The following USP7 variants were observed in gnomAD, a reference collection of about 807,000 sequenced individuals.
USP7 encodes ubiquitin specific peptidase 7, also known as ubiquitin C-terminal hydrolase 7.
In USP7, 9 loss-of-function variants were observed where a neutral mutation model predicts 162.9. That is an observed-to-expected ratio of 0.06 (90% CI 0.03 to 0.10). The LOEUF is 0.10. USP7 is among the 10% of genes least tolerant of loss of function. USP7 has a pLI of 1.00. For synonymous variants in USP7, 562 were observed against 475.9 expected (o/e 1.18, Z -2.35); for missense variants, 715 against 1,373.7 (o/e 0.52, Z 7.58).
intron 5 of USP7, among the ~76,000 whole-genome samples, chr16:8,919,756 C>G (rs751075551): frequency 6.6e-6 from 1 of 151,302 alleles, no homozygotes; most frequent in Non-Finnish European, 1.5e-5. Context: ...ACCTCCACGC[C>G]CATCTCCCTC....
At chr16:8,917,912 C>A (rs1319639729) in intron 6 of USP7, among the ~76,000 whole-genome samples, 1 of 152,172 alleles carries the variant, frequency 6.6e-6, no homozygotes, top group African/African-American at 2.4e-5. Context: ...GCCTCAGCCT[C>A]CCCAGTAGCT....
rs1046138744 is a variant in USP7 at position 8,896,684 on chromosome 16, C to T, written c.2819+315G>A. 3.9e-5 allele frequency among the ~76,000 whole-genome samples: 6 copies of T among 152,140 alleles called. No individual in the cohort carries two copies. The South Asian group carries it at 6.2e-4, about 16-fold the overall frequency. On this transcript the variant is annotated intron_variant, in intron 26 of 30. Coordinates refer to ENST00000344836, the MANE Select transcript of USP7 (RefSeq NM_003470.3). ...CTGTTTGGCTTTTCTATGGGAACTG[C>T]GCCTTTTTACTACAGCTAATGTTAT...
chr16:8,902,291 T>A, intron 17 of USP7, 90 bp downstream of exon 17: 1 of 1,580,762 alleles, frequency 6.3e-7, no homozygotes, highest in Non-Finnish European at 8.6e-7. Flanking sequence ...TCTAGTTAAG[T>A]GGACCAAAAG....
At chr16:8,894,450 G>A in intron 30 of USP7, 100 bp downstream of exon 30, 2 of 1,195,454 alleles carry the variant, frequency 1.7e-6, no homozygotes, top group South Asian at 1.4e-5. Flanking sequence ...TGGAGAGAGA[G>A]GAGCTGGCAC....
At chr16:8,959,983 G>C (rs1899948321) in intron 1 of USP7, among the ~76,000 whole-genome samples, 1 of 152,088 alleles carries the variant, frequency 6.6e-6, no homozygotes, top group African/African-American at 2.4e-5. Context: ...AACCACACCA[G>C]GGAAAAAAAC....
intron 1 of USP7, among the ~76,000 whole-genome samples, chr16:8,933,802 C>A (rs1213603239): frequency 6.6e-6 from 1 of 150,910 alleles, no homozygotes; most frequent in Non-Finnish European, 1.5e-5. Flanking sequence ...ATCTCCCAGG[C>A]TGGAGTGCAG....
intron 2 of USP7, among the ~76,000 whole-genome samples, chr16:8,926,959 T>C (rs1473530907): frequency 1.3e-5 from 2 of 152,174 alleles, no homozygotes; most frequent in African/African-American, 4.8e-5. Flanking sequence ...CTGTGCACTT[T>C]GTTACAGCAA....
At chr16:8,928,642 A>G (rs1898147104) in intron 2 of USP7, among the ~76,000 whole-genome samples, 1 of 152,138 alleles carries the variant, frequency 6.6e-6, no homozygotes, top group Non-Finnish European at 1.5e-5. Flanking sequence ...TCAGAAAGAT[A>G]TTACATGCTG....
chr16:8,930,180 T>C, intron 2 of USP7, 113 bp downstream of exon 2: 2 of 732,528 alleles, frequency 2.7e-6, no homozygotes, highest in Admixed American at 3.3e-5. Flanking sequence ...TCCTGAAAAC[T>C]AGCTACGCTC....
chr16:8,948,987 G>A (rs1183669783), intron 1 of USP7, among the ~76,000 whole-genome samples: 2 of 152,112 alleles, frequency 1.3e-5, no homozygotes, highest in Non-Finnish European at 2.9e-5. Flanking sequence ...AGCTTACACA[G>A]TCTATGAAAT....
chr16:8,901,856 A>G, intron 18 of USP7: 1 of 555,944 alleles, frequency 1.8e-6, no homozygotes, highest in Admixed American at 3.3e-5. Context: ...GACTGAAGAC[A>G]GAACAGGACG....
intron 1 of USP7, among the ~76,000 whole-genome samples, chr16:8,943,990 G>A (rs1262564146): frequency 6.6e-6 from 1 of 152,062 alleles, no homozygotes; most frequent in African/African-American, 2.4e-5. Flanking sequence ...GTGCGGGGGA[G>A]GCAGTATACA....
chr16:8,918,964 T>C, intron 6 of USP7, 67 bp downstream of exon 6: 1 of 1,523,774 alleles, frequency 6.6e-7, no homozygotes, highest in Non-Finnish European at 9.1e-7. Flanking sequence ...TGAGAGGACT[T>C]TGCTCTGATA....
chr16:8,902,080 A>G lies in USP7; in HGVS notation c.2047+2T>C. ...GCAGGCAGGCGTCTCGTGGGCACTT[A>G]CGATCTTTATCAAACTTGGGTAAGG... On this transcript the variant is annotated splice_donor_variant, in intron 18 of 30. Transcript: ENST00000344836. LOFTEE classifies it high-confidence loss of function. The G allele has an allele frequency of 6.2e-7, 1 of 1,613,932 alleles. No homozygotes were observed. Among genetic ancestry groups the G allele is most frequent in the Non-Finnish European group, 8.5e-7 (1 of 1,179,812 alleles).
chr16:8,897,815 C>T (rs2141165545), intron 25 of USP7, among the ~76,000 whole-genome samples: 1 of 144,406 alleles, frequency 6.9e-6, no homozygotes, highest in South Asian at 2.2e-4. Context: ...GGGAGGATCA[C>T]TTGAGCCCAG....
intron 1 of USP7, among the ~76,000 whole-genome samples, chr16:8,950,472 G>C (rs1899500215): frequency 6.6e-6 from 1 of 152,200 alleles, no homozygotes; most frequent in Non-Finnish European, 1.5e-5. Flanking sequence ...ATGCAGATGT[G>C]TGGTGCTAAT....
intron 7 of USP7, 92 bp downstream of exon 7, chr16:8,916,934 C>G: frequency 7.1e-7 from 1 of 1,399,978 alleles, no homozygotes; most frequent in Non-Finnish European, 9.4e-7. Flanking sequence ...CTACAGTATG[C>G]TCTACTAACT....
intron 30 of USP7, 127 bp downstream of exon 30, chr16:8,894,423 T>A: frequency 1.2e-6 from 1 of 847,874 alleles, no homozygotes; most frequent in Non-Finnish European, 1.8e-6. Context: ...TTGCTCCTGG[T>A]TCCACAGGTC....
At chr16:8,917,369 A>G (rs1897429103) in intron 6 of USP7, among the ~76,000 whole-genome samples, 1 of 152,194 alleles carries the variant, frequency 6.6e-6, no homozygotes. Flanking sequence ...AGAATGCAAA[A>G]ATAAATTTTG....
Sources: gnomAD v4.1 joint callset for allele counts (sites outside exome capture counted in the v4.1 genomes callset) on GRCh38, gnomAD v4.1.1 for gene constraint, MANE v1.5 for transcripts, NCBI Gene and HGNC (gene_info 2026-07-23, HGNC 2026-07-21) for gene names.